The following NTRK3 variants were observed in gnomAD, a reference collection of about 807,000 sequenced individuals.
NTRK3 encodes the protein neurotrophic receptor tyrosine kinase 3.
In NTRK3, 24 loss-of-function variants were observed where a neutral mutation model predicts 91.7. The observed-to-expected ratio is 0.26, with a 90% CI of 0.19 to 0.37. NTRK3 has a LOEUF of 0.37. Ranked by LOEUF, NTRK3 falls within the 10% of genes least tolerant of loss-of-function variation. The pLI, the probability that NTRK3 is intolerant of heterozygous loss-of-function variation, is 1.00. For synonymous variants in NTRK3, 483 were observed against 404.0 expected, an observed-to-expected ratio of 1.20 and a Z score of -2.34; for missense variants, 880 against 1,068.9, an observed-to-expected ratio of 0.82 and a Z score of 2.46.
chr15:87,907,196 A>C (rs2066821898), intron 17 of NTRK3, among the ~76,000 whole-genome samples: 1 of 152,224 alleles, frequency 6.6e-6, no homozygotes, highest in Non-Finnish European at 1.5e-5. Flanking sequence ...AAGAGTTTGA[A>C]CCCGATGCGA....
intron 14 of NTRK3, among the ~76,000 whole-genome samples, chr15:87,970,193 C>T (rs769571387): frequency 2.0e-5 from 3 of 152,228 alleles, no homozygotes; most frequent in Admixed American, 6.5e-5. Flanking sequence ...GTCTTCATTG[C>T]TGTATGCTAC....
intron 17 of NTRK3, among the ~76,000 whole-genome samples, chr15:87,890,948 A>G (rs2065828356): frequency 6.6e-6 from 1 of 152,190 alleles, no homozygotes; most frequent in South Asian, 2.1e-4. Context: ...AAAATTTCTT[A>G]AGAGAAAAAA....
At chr15:88,153,507 G>A (rs1039801827) in intron 5 of NTRK3, among the ~76,000 whole-genome samples, 8 of 151,992 alleles carry the variant, frequency 5.3e-5, no homozygotes, top group South Asian at 2.1e-4. Flanking sequence ...CACCTGCCTC[G>A]GCCTCCCAAA....
rs138654709 is a variant in NTRK3 at position 87,891,073 on chromosome 15, A to C, written c.2134-10645T>G. ...AATCTTGATTCCTATTAACACTCAT[A>C]ATATTATCTGCTTTATCCTAATTTG... On this transcript the variant is annotated intron_variant, in intron 17 of 18. Coordinates refer to ENST00000394480, the Ensembl canonical transcript of NTRK3. Among the ~76,000 whole-genome samples, 826 of 152,288 alleles carry C rather than the reference A, an allele frequency of 5.4e-3. 15 individuals carry two copies. Among genetic ancestry groups the C allele is most frequent in the East Asian group, 0.026 (136 of 5,186 alleles).
rs59254719 is a variant in NTRK3, at chr15:88,159,943, TACACACACACACACACACAC to T, written c.396-12560_396-12541del. Among the ~76,000 whole-genome samples the T allele has an allele frequency of 9.2e-3, 1,030 of 112,044 alleles. 34 individuals carry two copies. Among genetic ancestry groups the T allele is most frequent in the Admixed American group, 0.073 (808 of 11,114 alleles). 73.5% of individuals were successfully genotyped at this position (112,044 alleles called of 152,430 possible). ...TGCCTCCCCACCCCACCCAGCCTCC[TACACACACACACACACACAC>T]ACACACACACACACACACACACACA... On this transcript the variant is annotated intron_variant, in intron 5 of 18. Coordinates refer to ENST00000394480, the Ensembl canonical transcript of NTRK3.
intron 5 of NTRK3, among the ~76,000 whole-genome samples, chr15:88,152,298 T>C (rs548457096): frequency 2.0e-5 from 3 of 152,192 alleles, no homozygotes; most frequent in African/African-American, 7.2e-5. Flanking sequence ...TGAAACTCCA[T>C]CTCAAAACAA....
At chr15:88,045,760 T>C (rs1047301999) in intron 13 of NTRK3, among the ~76,000 whole-genome samples, 2 of 152,242 alleles carry the variant, frequency 1.3e-5, no homozygotes, top group South Asian at 2.1e-4. Flanking sequence ...TTCCTTGGCA[T>C]GTTAATGCAT....
At chr15:88,220,663 C>T (rs1482370097) in intron 3 of NTRK3, among the ~76,000 whole-genome samples, 1 of 152,170 alleles carries the variant, frequency 6.6e-6, no homozygotes. Context: ...CAGGAGCCCA[C>T]ACAGCTTTCA....
At chr15:88,177,272 G>A (rs969041111) in intron 5 of NTRK3, among the ~76,000 whole-genome samples, 2 of 152,138 alleles carry the variant, frequency 1.3e-5, no homozygotes, top group African/African-American at 2.4e-5. Flanking sequence ...TGGCATGATC[G>A]GATTTATATG....
chr15:88,189,695 C>T (rs527818776), intron 3 of NTRK3, among the ~76,000 whole-genome samples: 29 of 152,228 alleles, frequency 1.9e-4, no homozygotes, highest in African/African-American at 6.3e-4. Flanking sequence ...CCACCTGCCT[C>T]GGCCTCCCAA....
intron 14 of NTRK3, among the ~76,000 whole-genome samples, chr15:88,016,884 C>T (rs1237604555): frequency 7.1e-6 from 1 of 140,868 alleles, no homozygotes; most frequent in East Asian, 2.1e-4. Context: ...TAAAGACTGG[C>T]TGAGTATAAA....
chr15:88,004,481 A>C (rs1387882276), intron 14 of NTRK3, among the ~76,000 whole-genome samples: 1 of 152,206 alleles, frequency 6.6e-6, no homozygotes, highest in Non-Finnish European at 1.5e-5. Context: ...GAGAGATCAA[A>C]AAGTATTCCT....
chr15:87,918,018 T>G (rs2067574454), intron 17 of NTRK3, among the ~76,000 whole-genome samples: 1 of 152,126 alleles, frequency 6.6e-6, no homozygotes, highest in Non-Finnish European at 1.5e-5. Context: ...GTTTTGTATT[T>G]GTTTGTTTGT....
At chr15:88,217,937 T>G (rs2049932285) in intron 3 of NTRK3, among the ~76,000 whole-genome samples, 1 of 152,126 alleles carries the variant, frequency 6.6e-6, no homozygotes, top group African/African-American at 2.4e-5. Flanking sequence ...TTTTTTTGTA[T>G]TTTTAATAGA....
intron 6 of NTRK3, among the ~76,000 whole-genome samples, chr15:88,139,417 T>C (rs192219037): frequency 2.0e-5 from 3 of 151,872 alleles, no homozygotes; most frequent in East Asian, 3.9e-4. Flanking sequence ...TAGGATATTT[T>C]TGACAACTGG....
intron 14 of NTRK3, among the ~76,000 whole-genome samples, chr15:87,956,813 C>A (rs1234634366): frequency 6.6e-6 from 1 of 152,134 alleles, no homozygotes; most frequent in Non-Finnish European, 1.5e-5. Flanking sequence ...CTCAGGTGAT[C>A]CACCCGCCTC....
chr15:88,114,202 G>C (rs978715890), intron 13 of NTRK3, among the ~76,000 whole-genome samples: 1 of 152,196 alleles, frequency 6.6e-6, no homozygotes, highest in East Asian at 1.9e-4. Context: ...TCCACTGAGG[G>C]AGGAACAGCT....
chr15:88,092,487 C>T (rs539076906), intron 13 of NTRK3, among the ~76,000 whole-genome samples: 1 of 152,284 alleles, frequency 6.6e-6, no homozygotes, highest in Non-Finnish European at 1.5e-5. Context: ...TCTATAGGTA[C>T]CCATGGTGTT....
intron 13 of NTRK3, 131 bp from the exon 14 acceptor site, chr15:88,033,176 T>TTTTATATATATATATATA (rs1555473120): frequency 1.0e-5 from 2 of 192,404 alleles, no homozygotes; most frequent in African/African-American, 6.2e-5. Context: ...GGGGGGTGTG[T>TTTTATATATATATATATA]TATATATATA....
Sources: allele counts gnomAD v4.1 joint callset (sites outside exome capture counted in the v4.1 genomes callset), GRCh38; gene constraint gnomAD v4.1.1; transcripts MANE v1.5; gene names NCBI Gene and HGNC (gene_info 2026-07-23, HGNC 2026-07-21).